The following IL15RA variants were observed in gnomAD, a reference collection of about 807,000 sequenced individuals.
The protein encoded by IL15RA is interleukin 15 receptor subunit alpha.
A neutral mutation model predicts 24.2 loss-of-function variants in IL15RA; 26 were observed. That is an observed-to-expected ratio of 1.07 (90% CI 0.79 to 1.49). IL15RA has a LOEUF of 1.49. IL15RA is among the 40% of genes most tolerant of loss of function. The pLI, the probability that IL15RA is intolerant of heterozygous loss-of-function variation, is 0.00. For synonymous variants in IL15RA, 166 were observed against 157.6 expected (o/e 1.05, Z -0.40); for missense variants, 354 against 356.4 (o/e 0.99, Z 0.05).
chr10:5,957,812 G>A (rs888623074), intron 5 of IL15RA, among the ~76,000 whole-genome samples: 2 of 151,854 alleles, frequency 1.3e-5, no homozygotes, highest in Non-Finnish European at 1.5e-5. Context: ...GGCTGGTCTC[G>A]AACTCCTGGC....
Position 5,958,953 on chromosome 10 carries a change from C to G in IL15RA, c.616+801G>C, listed in dbSNP as rs1835008104. On this transcript the variant is annotated intron_variant, in intron 5 of 6. Transcript: ENST00000379977. This position sits in a 1 kb window ranked among gnomAD's most constrained non-coding sequence, Gnocchi z 4.3. Reference sequence around the variant, plus strand: ...CTGCGTTCTTCCTCCCTGCCTGCTTCCCTTCTTCCTCCTGTTCTCCCCTCC... The same window carrying G: ...CTGCGTTCTTCCTCCCTGCCTGCTTGCCTTCTTCCTCCTGTTCTCCCCTCC... Among the ~76,000 whole-genome samples the G allele has an allele frequency of 6.6e-6, 1 of 152,132 alleles. No homozygotes were observed. The highest frequency in any genetic ancestry group is 2.4e-5 in the African/African-American group (1 of 41,428).
At position 5,968,543 on chromosome 10, in the gene IL15RA, G is replaced by A. The variant is rs537768817; in HGVS notation, c.89-2204C>T. The A allele has an allele frequency of 3.7e-6, 2 of 542,074 alleles. No individual in the cohort carries two copies. Among genetic ancestry groups the A allele is most frequent in the East Asian group, 6.2e-5 (2 of 32,292 alleles). The allele number at this position is 542,074 out of a possible 1,614,324, so 33.6% of individuals were successfully genotyped here. A position where few individuals can be genotyped will look rare whatever the true frequency, so the allele number is the denominator to read the frequency against. On this transcript the variant is annotated intron_variant, in intron 1 of 6. Coordinates refer to ENST00000379977, the MANE Select transcript of IL15RA (RefSeq NM_002189.4). The surrounding 1 kb of genome is among the most constrained non-coding windows in gnomAD (Gnocchi z 5.4). Reference sequence around the variant, plus strand: ...AGCTGATGGCGTGAGAGATGGAGTCGATCTCACAAGTTGTTGAGGTGGATT... The same window carrying A: ...AGCTGATGGCGTGAGAGATGGAGTCAATCTCACAAGTTGTTGAGGTGGATT...
rs1388528091 is a variant in IL15RA, at chr10:5,970,952, C to CTAATTTTTTTTT, written c.89-4614_89-4613insAAAAAAAAATTA. On this transcript the variant is annotated intron_variant, in intron 1 of 6. Coordinates refer to ENST00000379977, the MANE Select transcript of IL15RA (RefSeq NM_002189.4). This position sits in a 1 kb window ranked among gnomAD's most constrained non-coding sequence, Gnocchi z 4.1. ...ATTTTTTTTTTCCTAGAGATGGGGT[C>CTAATTTTTTTTT]TCACCATGTTGCCCAGCCTGGTCTC... Among the ~76,000 whole-genome samples the CTAATTTTTTTTT allele has an allele frequency of 1.3e-5, 2 of 151,868 alleles. No homozygotes were observed. Among genetic ancestry groups the CTAATTTTTTTTT allele is most frequent in the Non-Finnish European group, 2.9e-5 (2 of 67,974 alleles).
intron 1 of IL15RA, among the ~76,000 whole-genome samples, chr10:5,974,245 C>G (rs1838059051): frequency 6.6e-6 from 1 of 152,096 alleles, no homozygotes; most frequent in Non-Finnish European, 1.5e-5. Flanking sequence ...AGTGATCTGC[C>G]CGCGTTGGCC....
Position 5,963,265 on chromosome 10 carries a change from G to A in IL15RA, c.382+478C>T, listed in dbSNP as rs777321479. 4.6e-5 allele frequency among the ~76,000 whole-genome samples: 7 copies of A among 152,218 alleles called. No homozygotes were observed. The highest frequency in any genetic ancestry group is 5.9e-5 in the Non-Finnish European group (4 of 68,040). On this transcript the variant is annotated intron_variant, in intron 3 of 6. Coordinates refer to ENST00000379977, the MANE Select transcript of IL15RA (RefSeq NM_002189.4). The surrounding 1 kb of genome is among the most constrained non-coding windows in gnomAD (Gnocchi z 5.3). ...GGCTTCCTCTCCCACAGTGCAGCCC[G>A]CTGAGTGGACAGGCATCTGTTCAGG...
intron 6 of IL15RA, among the ~76,000 whole-genome samples, chr10:5,954,191 A>G (rs1320454435): frequency 1.2e-5 from 1 of 85,746 alleles, no homozygotes; most frequent in Non-Finnish European, 2.3e-5. Flanking sequence ...TTTTTTTCTG[A>G]GACAGGTTCT....
chr10:5,951,141 C>CAAAAAAAAAAAAAAAA (rs60771366), downstream of IL15RA, among the ~76,000 whole-genome samples: 10 of 35,952 alleles, frequency 2.8e-4, no homozygotes, highest in Admixed American at 5.3e-4. Flanking sequence ...GACTCAGTCT[C>CAAAAAAAAAAAAAAAA]AAAAAAAAAA....
rs12260233 is a variant in IL15RA, at chr10:5,958,446, T to C, written c.616+1308A>G. The C allele has an allele frequency of 0.5, 152,747 of 304,622 alleles. 40,230 individuals carry two copies. Among genetic ancestry groups the C allele is most frequent in the African/African-American group, 0.7 (32,560 of 46,200 alleles). The allele number at this position is 304,622 out of a possible 1,614,324, so 18.9% of individuals were successfully genotyped here. The stretch of plus-strand genomic sequence containing the variant: ...TGTTGCCCAGGCCAGAGTGCAGTGG[T>C]GTGATCACAGCTCACTGCAACCTCT... On this transcript the variant is annotated intron_variant, in intron 5 of 6. Transcript: ENST00000379977. The surrounding 1 kb of genome is among the most constrained non-coding windows in gnomAD (Gnocchi z 4.3).
chr10:5,969,018 A>G (rs1837109946), intron 1 of IL15RA: 14 of 1,518,920 alleles, frequency 9.2e-6, no homozygotes, highest in Non-Finnish European at 1.1e-5. Flanking sequence ...CTGAGCAAGG[A>G]CTAAGTGTAT....
rs1835010097 is a variant in IL15RA at position 5,958,958 on chromosome 10, C to T, written c.616+796G>A. ...TTCTTCCTCCCTGCCTGCTTCCCTT[C>T]TTCCTCCTGTTCTCCCCTCCTCTCT... On this transcript the variant is annotated intron_variant, in intron 5 of 6. Coordinates refer to ENST00000379977, the MANE Select transcript of IL15RA (RefSeq NM_002189.4). This position sits in a 1 kb window ranked among gnomAD's most constrained non-coding sequence, Gnocchi z 4.3. 6.6e-6 allele frequency among the ~76,000 whole-genome samples: 1 copy of T among 152,092 alleles called. No individual in the cohort carries two copies. Among genetic ancestry groups the T allele is most frequent in the Non-Finnish European group, 1.5e-5 (1 of 68,002 alleles).
Position 5,968,110 on chromosome 10 carries a change from T to G in IL15RA, c.89-1771A>C, listed in dbSNP as rs1236104558. 6.6e-6 allele frequency among the ~76,000 whole-genome samples: 1 copy of G among 151,914 alleles called. No individual in the cohort carries two copies. On this transcript the variant is annotated intron_variant, in intron 1 of 6. Coordinates refer to ENST00000379977, the MANE Select transcript of IL15RA (RefSeq NM_002189.4). The surrounding 1 kb of genome is among the most constrained non-coding windows in gnomAD (Gnocchi z 5.4). ...CAACAAACCAACCAAACAAAAAACATTAGCAACAAATGCCAAAGTGTTAAG... is the reference window on the plus strand; with the variant it reads ...CAACAAACCAACCAAACAAAAAACAGTAGCAACAAATGCCAAAGTGTTAAG...
chr10:5,952,296 C>T (rs999859552), downstream of IL15RA: 1 of 152,444 alleles, frequency 6.6e-6, no homozygotes, highest in Non-Finnish European at 1.5e-5. Flanking sequence ...CACCTGAACT[C>T]AGTCACCTTG....
rs779404019 is a variant in IL15RA, at chr10:5,960,115, C to T, written c.583+252G>A. ...TCCCAGCTGCACAGGCTCTGCCATGCGGGTGATAAGGCTGGCCCTGTCACA... is the reference window on the plus strand; with the variant it reads ...TCCCAGCTGCACAGGCTCTGCCATGTGGGTGATAAGGCTGGCCCTGTCACA... On this transcript the variant is annotated intron_variant, in intron 4 of 6. Transcript: ENST00000379977. This position sits in a 1 kb window ranked among gnomAD's most constrained non-coding sequence, Gnocchi z 5.1. Among the ~76,000 whole-genome samples, 4 of 152,172 alleles carry T rather than the reference C, an allele frequency of 2.6e-5. No individual in the cohort carries two copies. The highest frequency in any genetic ancestry group is 7.2e-5 in the African/African-American group (3 of 41,440).
At position 5,966,338 on chromosome 10, in the gene IL15RA, G is replaced by A. The variant is rs770398219; in HGVS notation, c.90C>T (p.Gly30=). The change falls in exon 2 of 7, where the codon GGC becomes GGT. Residue 30 remains glycine (G), a splice_region_variant and synonymous_variant. Transcript: ENST00000379977. This position sits in a 1 kb window ranked among gnomAD's most constrained non-coding sequence, Gnocchi z 6.4. Reference sequence around the variant, plus strand: ...CGGACATGGGGGGAGGGCACGTGATGCCTGCGAAAGTGCAGAGGACAGGGG... The same window carrying A: ...CGGACATGGGGGGAGGGCACGTGATACCTGCGAAAGTGCAGAGGACAGGGG... ...LLLLRPPATR[G]ITCPPPMSVE... The A allele has an allele frequency of 7.5e-6, 12 of 1,604,160 alleles. No individual in the cohort carries two copies. The African/African-American group carries it at 8.0e-5, about 11-fold the overall frequency.
intron 6 of IL15RA, among the ~76,000 whole-genome samples, chr10:5,954,535 C>T (rs1357975306): frequency 2.0e-5 from 3 of 152,034 alleles, no homozygotes; most frequent in Non-Finnish European, 2.9e-5. Context: ...CTCAAGTAAT[C>T]CTTCCACCTC....
At chr10:5,977,563 C>T, upstream of IL15RA, 1 of 1,271,240 alleles carries the variant, frequency 7.9e-7, no homozygotes, top group South Asian at 2.7e-5. Context: ...AGGTGGCGAG[C>T]GCTGCTCTGG....
rs1427423480 is a variant in IL15RA, at chr10:5,964,443, C to T, written c.284-602G>A. ...TCGGCCTCCCAAAGTGCTGGGATTA[C>T]AGGTGTAAGCCACCATACCTGGCTT... On this transcript the variant is annotated intron_variant, in intron 2 of 6. Transcript: ENST00000379977. This position sits in a 1 kb window ranked among gnomAD's most constrained non-coding sequence, Gnocchi z 5.6. Among the ~76,000 whole-genome samples the T allele has an allele frequency of 6.6e-6, 1 of 152,170 alleles. No homozygotes were observed. The highest frequency in any genetic ancestry group is 2.4e-5 in the African/African-American group (1 of 41,424).
chr10:5,950,167 C>A (rs1833772966), downstream of IL15RA, among the ~76,000 whole-genome samples: 1 of 152,000 alleles, frequency 6.6e-6, no homozygotes, highest in South Asian at 2.1e-4. This position sits in a 1 kb window ranked among gnomAD's most constrained non-coding sequence, Gnocchi z 5.6. Context: ...AATCCTTTTT[C>A]TTCAAGGCAA....
rs986109583 is a variant in IL15RA at position 5,962,996 on chromosome 10, G to T, written c.382+747C>A. 7.9e-5 allele frequency among the ~76,000 whole-genome samples: 12 copies of T among 152,210 alleles called. No homozygotes were observed. The highest frequency in any genetic ancestry group is 1.5e-4 in the Non-Finnish European group (10 of 68,034). On this transcript the variant is annotated intron_variant, in intron 3 of 6. Coordinates refer to ENST00000379977, the MANE Select transcript of IL15RA (RefSeq NM_002189.4). This position sits in a 1 kb window ranked among gnomAD's most constrained non-coding sequence, Gnocchi z 5.2. ...CAGGACACTGGCAGCTTCAGGCAGC[G>T]CCTCTATAATAGAGCAGTCACTGGG...
Sources: allele counts gnomAD v4.1 joint callset (sites outside exome capture counted in the v4.1 genomes callset), GRCh38; gene constraint gnomAD v4.1.1; non-coding constraint Gnocchi (gnomAD v3.1); transcripts MANE v1.5; gene names NCBI Gene and HGNC (gene_info 2026-07-23, HGNC 2026-07-21).